The following FHIT variants were observed in gnomAD, a reference collection of about 807,000 sequenced individuals.
The protein encoded by FHIT is bis(5'-adenosyl)-triphosphatase.
In FHIT, 19 loss-of-function variants were observed where a neutral mutation model predicts 17.9. That is an observed-to-expected ratio of 1.06 (90% CI 0.74 to 1.56). The LOEUF (loss-of-function observed/expected upper bound fraction) is 1.56, where lower values mean the gene tolerates loss of function less well. Ranked by LOEUF, FHIT falls within the 40% of genes most tolerant of loss-of-function variation. The pLI is 0.00. For synonymous variants in FHIT, 81 were observed against 69.7 expected (o/e 1.16, Z -0.81); for missense variants, 248 against 189.2 (o/e 1.31, Z -1.82).
chr3:59,865,757 G>A (rs1432676083), intron 8 of FHIT, among the ~76,000 whole-genome samples: 3 of 152,174 alleles, frequency 2.0e-5, no homozygotes, highest in Admixed American at 6.5e-5. Flanking sequence ...TCAGGCAGGC[G>A]ATGGTGGAAA....
At chr3:60,870,633 T>C (rs1704372953) in intron 3 of FHIT, among the ~76,000 whole-genome samples, 1 of 152,144 alleles carries the variant, frequency 6.6e-6, no homozygotes, top group Admixed American at 6.6e-5. Flanking sequence ...ATCACTCAAT[T>C]CCTTTTGTTC....
intron 8 of FHIT, among the ~76,000 whole-genome samples, chr3:59,852,499 G>A (rs1266983730): frequency 6.6e-6 from 1 of 152,056 alleles, no homozygotes; most frequent in African/African-American, 2.4e-5. Flanking sequence ...TGGTACATTT[G>A]TTACAATTTG....
chr3:60,334,874 AT>A (rs746069018), intron 5 of FHIT, among the ~76,000 whole-genome samples: 13 of 152,074 alleles, frequency 8.5e-5, no homozygotes, highest in African/African-American at 3.1e-4. Context: ...GCCTGTGTGT[AT>A]TTTTTTTCTA....
intron 4 of FHIT, among the ~76,000 whole-genome samples, chr3:60,682,871 T>C (rs1553697292): frequency 6.6e-6 from 1 of 152,172 alleles, no homozygotes; most frequent in African/African-American, 2.4e-5. Flanking sequence ...CTGGATGTCA[T>C]TGAGAACATT....
chr3:60,615,150 G>A (rs1399802221), intron 4 of FHIT, among the ~76,000 whole-genome samples: 1 of 152,072 alleles, frequency 6.6e-6, no homozygotes, highest in East Asian at 1.9e-4. Context: ...TTGTTACCTT[G>A]GATTAACAGG....
At chr3:59,880,140 G>T (rs551594799) in intron 8 of FHIT, among the ~76,000 whole-genome samples, 1 of 152,266 alleles carries the variant, frequency 6.6e-6, no homozygotes, top group African/African-American at 2.4e-5. Context: ...AGGTTTTAAG[G>T]TTAAGAAGTC....
chr3:60,787,013 A>AAAC (rs1553727163), intron 4 of FHIT, among the ~76,000 whole-genome samples: 1 of 151,532 alleles, frequency 6.6e-6, no homozygotes, highest in African/African-American at 2.4e-5. Flanking sequence ...AGAAAAAAAA[A>AAAC]AAAACAAAAC....
intron 2 of FHIT, among the ~76,000 whole-genome samples, chr3:61,063,952 G>C (rs2034517487): frequency 6.6e-6 from 1 of 152,204 alleles, no homozygotes; most frequent in African/African-American, 2.4e-5. Context: ...TAGCAGCAGT[G>C]TGAGGTGCTT....
intron 3 of FHIT, among the ~76,000 whole-genome samples, chr3:60,975,916 C>T (rs1710212778): frequency 6.6e-6 from 1 of 151,926 alleles, no homozygotes; most frequent in Non-Finnish European, 1.5e-5. Flanking sequence ...CAAATCATTA[C>T]CAATGCCAAT....
At chr3:60,413,901 G>A (rs1351129120) in intron 5 of FHIT, among the ~76,000 whole-genome samples, 2 of 152,078 alleles carry the variant, frequency 1.3e-5, no homozygotes, top group African/African-American at 4.8e-5. Flanking sequence ...ACATGTTAGG[G>A]GATATATTGG....
At chr3:60,915,760 A>G (rs1553766974) in intron 3 of FHIT, among the ~76,000 whole-genome samples, 1 of 152,188 alleles carries the variant, frequency 6.6e-6, no homozygotes, top group African/African-American at 2.4e-5. Context: ...TGTCAAAACA[A>G]AAGTCAAGTA....
rs1466786782 is a variant in FHIT, at chr3:60,704,147, G to A, written c.-18+117772C>T. 2.6e-5 allele frequency among the ~76,000 whole-genome samples: 4 copies of A among 152,114 alleles called. No homozygotes were observed. The South Asian group carries it at 8.3e-4, about 31-fold the overall frequency. ...ATAAAATGAATCATCAAGGGAATAA[G>A]AGCAGTTCTCATCCCTAGTTAGAAT... On this transcript the variant is annotated intron_variant, in intron 4 of 9. Transcript: ENST00000492590.
intron 4 of FHIT, among the ~76,000 whole-genome samples, chr3:60,619,098 T>C (rs1431190333): frequency 1.3e-5 from 2 of 152,072 alleles, no homozygotes; most frequent in Non-Finnish European, 2.9e-5. Flanking sequence ...AAGATTAACA[T>C]AGCAACTAAG....
intron 5 of FHIT, among the ~76,000 whole-genome samples, chr3:60,327,614 A>G (rs1431244224): frequency 6.6e-6 from 1 of 152,210 alleles, no homozygotes; most frequent in Non-Finnish European, 1.5e-5. Context: ...TGATAACTCC[A>G]AACCAGCCAA....
intron 5 of FHIT, among the ~76,000 whole-genome samples, chr3:60,231,424 G>A (rs1356104183): frequency 6.6e-6 from 1 of 152,154 alleles, no homozygotes. Flanking sequence ...ACACCTCAGA[G>A]TCTACCTGCC....
chr3:60,815,856 A>G (rs1262193520), intron 4 of FHIT, among the ~76,000 whole-genome samples: 1 of 152,060 alleles, frequency 6.6e-6, no homozygotes, highest in Non-Finnish European at 1.5e-5. Context: ...GATTCTTCCA[A>G]TCCATGAGCA....
chr3:59,772,102 G>T (rs17295225), intron 8 of FHIT, among the ~76,000 whole-genome samples: 21,511 of 152,200 alleles, frequency 0.14, 1,779 homozygotes, highest in Admixed American at 0.22. Flanking sequence ...GTATCTCCAT[G>T]TTAGCACACC....
intron 5 of FHIT, among the ~76,000 whole-genome samples, chr3:60,147,600 G>C (rs1344826534): frequency 6.6e-5 from 10 of 152,046 alleles, no homozygotes; most frequent in Admixed American, 6.6e-4. Flanking sequence ...GAATTTCTTT[G>C]AATCCTATTT....
At chr3:60,574,717 G>C (rs1553656960) in intron 4 of FHIT, among the ~76,000 whole-genome samples, 1 of 151,988 alleles carries the variant, frequency 6.6e-6, no homozygotes, top group South Asian at 2.1e-4. Flanking sequence ...TCATTCCTGA[G>C]TTAAAAACAA....
Sources: allele counts gnomAD v4.1 joint callset (sites outside exome capture counted in the v4.1 genomes callset), GRCh38; gene constraint gnomAD v4.1.1; transcripts MANE v1.5; gene names NCBI Gene and HGNC (gene_info 2026-07-23, HGNC 2026-07-21).